Variants in VAT1L observed in about 807,000 individuals in gnomAD.
VAT1L encodes the protein vesicle amine transport 1 like.
VAT1L carries 34 observed loss-of-function variants against 44.1 expected under a neutral mutation model. The ratio of observed to expected loss-of-function variants is 0.77; its 90% CI spans 0.59 to 1.03. VAT1L has a LOEUF of 1.03. Ranked by LOEUF, VAT1L falls within the 50% of genes least tolerant of loss-of-function variation. The pLI is 0.00. For missense variants in VAT1L, 615 were observed against 538.8 expected (o/e 1.14, Z -1.40); for synonymous variants, 253 against 202.2 (o/e 1.25, Z -2.13).
intron 7 of VAT1L, among the ~76,000 whole-genome samples, chr16:77,905,660 T>A (rs1351215342): frequency 6.6e-6 from 1 of 152,192 alleles, no homozygotes. Context: ...TCTGTTTATA[T>A]CATTAGCTGC....
At chr16:77,856,917 G>A (rs912894651) in intron 3 of VAT1L, among the ~76,000 whole-genome samples, 2 of 152,104 alleles carry the variant, frequency 1.3e-5, no homozygotes, top group African/African-American at 4.8e-5. Context: ...AGGTAACCTT[G>A]GGAACTTTCC....
intron 7 of VAT1L, among the ~76,000 whole-genome samples, chr16:77,908,329 G>A (rs752471829): frequency 1.3e-5 from 2 of 151,746 alleles, no homozygotes; most frequent in African/African-American, 2.4e-5. Flanking sequence ...ACACGTGGTG[G>A]TGAGTGCCTG....
At chr16:77,890,921 CGA>C (rs1567499778) in intron 7 of VAT1L, among the ~76,000 whole-genome samples, 1 of 13,210 alleles carries the variant, frequency 7.6e-5, no homozygotes, top group Non-Finnish European at 1.6e-4. Flanking sequence ...AAGACCCTGT[CGA>C]AAAAAAAAAA....
intron 7 of VAT1L, among the ~76,000 whole-genome samples, chr16:77,954,539 C>T (rs1319217070): frequency 2.0e-5 from 3 of 152,122 alleles, no homozygotes; most frequent in South Asian, 2.1e-4. Context: ...GCAGGAGAAT[C>T]GCTTGAACCC....
intron 2 of VAT1L, among the ~76,000 whole-genome samples, chr16:77,822,134 T>A (rs2016462286): frequency 6.6e-6 from 1 of 152,096 alleles, no homozygotes. Context: ...TGTTTTATTT[T>A]ATTTATTTAT....
At chr16:77,968,838 A>G (rs989403932) in intron 7 of VAT1L, among the ~76,000 whole-genome samples, 2 of 151,494 alleles carry the variant, frequency 1.3e-5, no homozygotes, top group Admixed American at 1.3e-4. Flanking sequence ...TTTTTTTTTT[A>G]AAGACAGTCT....
intron 7 of VAT1L, among the ~76,000 whole-genome samples, chr16:77,901,510 TC>T (rs1333449487): frequency 6.6e-6 from 1 of 152,150 alleles, no homozygotes; most frequent in Non-Finnish European, 1.5e-5. Flanking sequence ...TTGCTGCTTT[TC>T]CTCCGTTAGT....
chr16:77,901,653 A>G (rs1340055137), intron 7 of VAT1L, among the ~76,000 whole-genome samples: 2 of 152,122 alleles, frequency 1.3e-5, no homozygotes, highest in Non-Finnish European at 2.9e-5. Context: ...GCAGGCCATC[A>G]GCACTTCCTT....
At chr16:77,818,568 T>C (rs1176806640) in intron 2 of VAT1L, among the ~76,000 whole-genome samples, 1 of 152,156 alleles carries the variant, frequency 6.6e-6, no homozygotes, top group Non-Finnish European at 1.5e-5. Flanking sequence ...ACCCCAAGCA[T>C]TGAATAAATA....
chr16:77,833,806 G>C (rs748022126), intron 3 of VAT1L, among the ~76,000 whole-genome samples: 8 of 151,952 alleles, frequency 5.3e-5, no homozygotes, highest in Non-Finnish European at 1.0e-4. Flanking sequence ...GCTTTCATGA[G>C]AGGTGAGGGG....
At chr16:77,923,726 G>T (rs364365) in intron 7 of VAT1L, among the ~76,000 whole-genome samples, 3 of 152,014 alleles carry the variant, frequency 2.0e-5, no homozygotes, top group Non-Finnish European at 4.4e-5. Flanking sequence ...TCTCAAAGTT[G>T]GTACCCAGGG....
intron 7 of VAT1L, among the ~76,000 whole-genome samples, chr16:77,918,680 G>C (rs1045006543): frequency 6.6e-6 from 1 of 152,078 alleles, no homozygotes; most frequent in Admixed American, 6.5e-5. Context: ...GCTTCATCCC[G>C]GAAACTGTAA....
intron 6 of VAT1L, among the ~76,000 whole-genome samples, chr16:77,881,736 A>G (rs1567497071): frequency 6.6e-6 from 1 of 152,250 alleles, no homozygotes; most frequent in Non-Finnish European, 1.5e-5. Flanking sequence ...CGACAGGAGG[A>G]GCAAGAATGG....
At chr16:77,852,200 C>T (rs1435846181) in intron 3 of VAT1L, among the ~76,000 whole-genome samples, 2 of 152,120 alleles carry the variant, frequency 1.3e-5, no homozygotes, top group Non-Finnish European at 1.5e-5. Context: ...AGTGGACTGA[C>T]CTCTCTCTCT....
chr16:77,799,133 G>A (rs2015993831), intron 1 of VAT1L, among the ~76,000 whole-genome samples: 1 of 151,998 alleles, frequency 6.6e-6, no homozygotes, highest in African/African-American at 2.4e-5. Context: ...TATGTATTAA[G>A]GAAGGACTTT....
At chr16:77,956,316 C>G (rs977219970) in intron 7 of VAT1L, among the ~76,000 whole-genome samples, 2 of 152,154 alleles carry the variant, frequency 1.3e-5, no homozygotes, top group African/African-American at 4.8e-5. Context: ...CGACTCTCCT[C>G]CTTGAACAAC....
intron 1 of VAT1L, among the ~76,000 whole-genome samples, chr16:77,797,391 G>A (rs796507991): frequency 3.3e-5 from 5 of 152,294 alleles, no homozygotes; most frequent in African/African-American, 7.2e-5. Flanking sequence ...GATTACAGGC[G>A]TGAGCCACCG....
intron 3 of VAT1L, among the ~76,000 whole-genome samples, chr16:77,848,814 G>C (rs1032029156): frequency 6.6e-6 from 1 of 152,058 alleles, no homozygotes; most frequent in African/African-American, 2.4e-5. Flanking sequence ...TAATAGACTG[G>C]ATAAATAAAA....
chr16:77,793,266 C>T (rs866093600), intron 1 of VAT1L, among the ~76,000 whole-genome samples: 2 of 152,146 alleles, frequency 1.3e-5, no homozygotes, highest in African/African-American at 2.4e-5. Flanking sequence ...CATGTGCCAC[C>T]GTGCCCAGCT....
Sources: allele counts gnomAD v4.1 joint callset (sites outside exome capture counted in the v4.1 genomes callset), GRCh38; gene constraint gnomAD v4.1.1; transcripts MANE v1.5; gene names NCBI Gene and HGNC (gene_info 2026-07-23, HGNC 2026-07-21).